The following RBFOX2 variants were observed in gnomAD, a reference collection of about 807,000 sequenced individuals.
RBFOX2 encodes the protein RNA binding protein fox-1 homolog 2.
RBFOX2 carries 10 observed loss-of-function variants against 49.1 expected under a neutral mutation model. The ratio of observed to expected loss-of-function variants is 0.20; its 90% CI spans 0.13 to 0.35. The LOEUF is 0.35. Among genes scored for constraint, RBFOX2 ranks in the 10% least tolerant of loss-of-function variants. The probability of loss-of-function intolerance (pLI) is 1.00; values close to 1 mark genes in which losing one functional copy is unlikely to be tolerated. For missense variants in RBFOX2, 323 were observed against 486.9 expected (o/e 0.66, Z 3.17); for synonymous variants, 183 against 187.4 (o/e 0.98, Z 0.19).
intron 1 of RBFOX2, among the ~76,000 whole-genome samples, chr22:35,863,841 CA>C (rs2043369508): frequency 6.6e-6 from 1 of 152,188 alleles, no homozygotes; most frequent in African/African-American, 2.4e-5. Flanking sequence ...TGTTTCTGTG[CA>C]GCTCTGATAT....
At chr22:35,925,608 G>A (rs2051537623) in intron 1 of RBFOX2, among the ~76,000 whole-genome samples, 1 of 152,230 alleles carries the variant, frequency 6.6e-6, no homozygotes. Flanking sequence ...ACCTCAAGGA[G>A]AAGGTAGCAT....
At chr22:36,026,541 T>TACACACACACACAC (rs3075271) in intron 1 of RBFOX2, among the ~76,000 whole-genome samples, 133 of 136,642 alleles carry the variant, frequency 9.7e-4, no homozygotes, top group African/African-American at 3.9e-3. Context: ...AATGAATACA[T>TACACACACACACAC]ACACACACAC....
intron 1 of RBFOX2, among the ~76,000 whole-genome samples, chr22:35,949,568 T>TA (rs2054684766): frequency 6.6e-6 from 1 of 152,236 alleles, no homozygotes; most frequent in South Asian, 2.1e-4. Flanking sequence ...TTACACTTGT[T>TA]ATTGTGTGTG....
upstream of RBFOX2, chr22:35,938,972 T>C (rs2053412581): frequency 1.5e-6 from 2 of 1,366,556 alleles, no homozygotes; most frequent in Non-Finnish European, 2.1e-6. Flanking sequence ...TCATCCAAAC[T>C]GATCAAATAT....
At chr22:35,842,109 A>G (rs1488827056), upstream of RBFOX2, among the ~76,000 whole-genome samples, 1 of 152,214 alleles carries the variant, frequency 6.6e-6, no homozygotes. Flanking sequence ...CCAATACAAC[A>G]TCATTACACC....
intron 2 of RBFOX2, among the ~76,000 whole-genome samples, chr22:35,791,860 G>A (rs1947737808): frequency 6.6e-6 from 1 of 152,060 alleles, no homozygotes; most frequent in African/African-American, 2.4e-5. Flanking sequence ...ACTCAAATAG[G>A]TAATTTTCAC....
rs545601714 is a variant in RBFOX2, at chr22:35,796,437, T to G, written c.252+13343A>C. Among the ~76,000 whole-genome samples the G allele has an allele frequency of 2.6e-5, 4 of 152,350 alleles. No homozygotes were observed. The South Asian group carries it at 6.2e-4, about 24-fold the overall frequency. On this transcript the variant is annotated intron_variant, in intron 2 of 11. Coordinates refer to ENST00000405409, the Ensembl canonical transcript of RBFOX2. ...TCCTTTTAATGTATGGATTTACTAT[T>G]ACAGTATGTTATTTTAACTTAAGTA...
chr22:35,953,468 AAG>A (rs2055190055), intron 1 of RBFOX2, among the ~76,000 whole-genome samples: 1 of 152,106 alleles, frequency 6.6e-6, no homozygotes, highest in Non-Finnish European at 1.5e-5. Flanking sequence ...AATTCATCAA[AAG>A]AGAAAGCAGA....
chr22:35,987,456 G>A (rs1177517239), intron 1 of RBFOX2, among the ~76,000 whole-genome samples: 1 of 152,150 alleles, frequency 6.6e-6, no homozygotes, highest in African/African-American at 2.4e-5. Flanking sequence ...ATTCCTCAAA[G>A]TTATCAAAAG....
chr22:35,930,131 C>T (rs1315361857), intron 1 of RBFOX2, among the ~76,000 whole-genome samples: 1 of 150,024 alleles, frequency 6.7e-6, no homozygotes, highest in Admixed American at 6.7e-5. Flanking sequence ...AAGCGATTCT[C>T]GTGCCTCAGC....
chr22:35,887,331 T>C (rs1392690621), intron 1 of RBFOX2, among the ~76,000 whole-genome samples: 1 of 152,102 alleles, frequency 6.6e-6, no homozygotes, highest in Non-Finnish European at 1.5e-5. Context: ...ATGGTAACTG[T>C]TCTCTATGCC....
intron 1 of RBFOX2, among the ~76,000 whole-genome samples, chr22:35,979,839 A>G (rs905202159): frequency 3.3e-5 from 5 of 152,246 alleles, no homozygotes; most frequent in African/African-American, 1.2e-4. Context: ...TGTCAGTGCC[A>G]TACTAACTCA....
intron 1 of RBFOX2, chr22:35,822,827 CTT>C (rs57822436): frequency 0.013 from 5,052 of 379,084 alleles, no homozygotes; most frequent in South Asian, 0.017. Context: ...TTTGGGTTGT[CTT>C]TTTTTTTTTT....
At chr22:35,823,105 G>A (rs1011652885) in intron 1 of RBFOX2, among the ~76,000 whole-genome samples, 1 of 152,222 alleles carries the variant, frequency 6.6e-6, no homozygotes, top group African/African-American at 2.4e-5. Flanking sequence ...ACAGGCATGA[G>A]CCACCGCATC....
intron 9 of RBFOX2, among the ~76,000 whole-genome samples, chr22:35,757,372 T>C (rs911462183): frequency 2.0e-5 from 3 of 152,140 alleles, no homozygotes; most frequent in African/African-American, 7.2e-5. Context: ...GCAGTAGAGA[T>C]AAAAGATAAA....
chr22:35,741,406 T>C (rs779901901), exon 12 of RBFOX2: 2 of 152,252 alleles, frequency 1.3e-5, no homozygotes, highest in Non-Finnish European at 2.9e-5. Context: ...CTCTCTTTTT[T>C]AATACAGTGA....
chr22:35,948,682 C>G (rs932877123), intron 1 of RBFOX2, among the ~76,000 whole-genome samples: 2 of 151,204 alleles, frequency 1.3e-5, no homozygotes, highest in East Asian at 3.9e-4. Context: ...GAGACTGTCT[C>G]AAAAAAAAAT....
chr22:35,829,844 G>A (rs1263466847), intron 1 of RBFOX2, among the ~76,000 whole-genome samples: 1 of 151,932 alleles, frequency 6.6e-6, no homozygotes, highest in African/African-American at 2.4e-5. Flanking sequence ...TTCCCCAGTT[G>A]CGGGAGTCAT....
intron 2 of RBFOX2, among the ~76,000 whole-genome samples, chr22:35,798,988 T>C (rs566251235): frequency 6.6e-6 from 1 of 152,340 alleles, no homozygotes; most frequent in South Asian, 2.1e-4. Flanking sequence ...TAATAGCGTA[T>C]GTCTAACACC....
Sources: gnomAD v4.1 joint callset for allele counts (sites outside exome capture counted in the v4.1 genomes callset) on GRCh38, gnomAD v4.1.1 for gene constraint, MANE v1.5 for transcripts, NCBI Gene and HGNC (gene_info 2026-07-23, HGNC 2026-07-21) for gene names.